GRM3: variants seen among roughly 807,000 people sequenced by gnomAD.
GRM3 encodes metabotropic glutamate receptor 3.
GRM3 carries 26 observed loss-of-function variants against 70.5 expected under a neutral mutation model. The observed-to-expected ratio is 0.37, with a 90% CI of 0.27 to 0.51. GRM3 has a LOEUF of 0.51. Among genes scored for constraint, GRM3 ranks in the 20% least tolerant of loss-of-function variants. GRM3 has a pLI of 0.93. For synonymous variants in GRM3, 443 were observed against 434.9 expected (o/e 1.02, Z -0.23); for missense variants, 859 against 1,123.8 (o/e 0.76, Z 3.37).
intron 5 of GRM3, among the ~76,000 whole-genome samples, chr7:86,857,895 T>G (rs190616693): frequency 1.1e-4 from 16 of 152,160 alleles, no homozygotes; most frequent in Admixed American, 1.0e-3. Context: ...TTATACTTTT[T>G]GAGGGAAGGA....
At chr7:86,848,379 A>C (rs1358620959) in intron 4 of GRM3, among the ~76,000 whole-genome samples, 1 of 152,166 alleles carries the variant, frequency 6.6e-6, no homozygotes, top group African/African-American at 2.4e-5. Flanking sequence ...ATAAGGAAGC[A>C]GTTGGACAGT....
At chr7:86,798,871 C>CTTTATAAAA (rs1416665866) in intron 3 of GRM3, among the ~76,000 whole-genome samples, 3 of 139,624 alleles carry the variant, frequency 2.1e-5, no homozygotes, top group African/African-American at 5.5e-5. Flanking sequence ...AGGAGAGTTC[C>CTTTATAAAA]CCTCTTCTTG....
intron 3 of GRM3, among the ~76,000 whole-genome samples, chr7:86,817,319 T>C (rs1220992354): frequency 6.6e-6 from 1 of 151,986 alleles, no homozygotes; most frequent in Non-Finnish European, 1.5e-5. Flanking sequence ...AACACCATTA[T>C]CATCTCTGCT....
intron 1 of GRM3, among the ~76,000 whole-genome samples, chr7:86,721,636 T>A (rs1795466155): frequency 6.6e-6 from 1 of 151,874 alleles, no homozygotes; most frequent in South Asian, 2.1e-4. Context: ...CTGAGAGGAA[T>A]CACAAAACCT....
chr7:86,822,786 T>C (rs1446931768), intron 3 of GRM3, among the ~76,000 whole-genome samples: 3 of 152,184 alleles, frequency 2.0e-5, no homozygotes, highest in Admixed American at 6.5e-5. Flanking sequence ...AGTCCAAAAA[T>C]TGGGAAAGGC....
At chr7:86,829,479 C>A (rs1293259323) in intron 3 of GRM3, among the ~76,000 whole-genome samples, 5 of 152,330 alleles carry the variant, frequency 3.3e-5, no homozygotes, top group Middle Eastern at 3.4e-3. Context: ...ACATGCCTTC[C>A]TAAGCTTAAT....
chr7:86,728,524 T>A (rs183108582), intron 1 of GRM3, among the ~76,000 whole-genome samples: 6 of 152,152 alleles, frequency 3.9e-5, no homozygotes, highest in African/African-American at 1.2e-4. Context: ...AGTAAATCAA[T>A]GAATTAAACC....
chr7:86,702,114 A>G (rs1451397562), intron 1 of GRM3, among the ~76,000 whole-genome samples: 1 of 152,074 alleles, frequency 6.6e-6, no homozygotes, highest in African/African-American at 2.4e-5. Context: ...AATAATAAAA[A>G]AAGAAGTCCT....
intron 3 of GRM3, among the ~76,000 whole-genome samples, chr7:86,815,780 C>T (rs1798003696): frequency 6.6e-6 from 1 of 151,860 alleles, no homozygotes. Flanking sequence ...TTTATCCTGT[C>T]TCCTTGTTTT....
rs770831445 is a variant in GRM3 at position 86,819,062 on chromosome 7, T to C, written c.1325-19777T>C. On this transcript the variant is annotated intron_variant, in intron 3 of 5. Coordinates refer to ENST00000361669, the MANE Select transcript of GRM3 (RefSeq NM_000840.3). ...TTGTAAGATGAATTCGCTTGTAAAA[T>C]GTATCCCCACGGAGTCCTGACAGCT... is the stretch of plus-strand genomic sequence containing the variant. Among the ~76,000 whole-genome samples, 81 of 152,116 alleles carry C rather than the reference T, an allele frequency of 5.3e-4. 1 individual carries two copies. Among genetic ancestry groups the C allele is most frequent in the Non-Finnish European group, 3.1e-4 (21 of 68,008 alleles).
At chr7:86,684,466 T>C (rs987832668) in intron 1 of GRM3, among the ~76,000 whole-genome samples, 10 of 152,222 alleles carry the variant, frequency 6.6e-5, no homozygotes, top group Non-Finnish European at 1.5e-4. Context: ...AATGATCAGA[T>C]GGCAACAAGT....
intron 1 of GRM3, among the ~76,000 whole-genome samples, chr7:86,738,055 G>T (rs541563904): frequency 6.6e-6 from 1 of 152,158 alleles, no homozygotes; most frequent in South Asian, 2.1e-4. Context: ...CAGTGTGGAC[G>T]CACAGTTACT....
intron 1 of GRM3, among the ~76,000 whole-genome samples, chr7:86,693,044 T>C (rs1005056814): frequency 1.3e-5 from 2 of 152,234 alleles, no homozygotes; most frequent in Non-Finnish European, 2.9e-5. Flanking sequence ...TAGGTGGATT[T>C]TTGTCATCAA....
chr7:86,812,057 C>T (rs1030829989), intron 3 of GRM3, among the ~76,000 whole-genome samples: 1 of 151,702 alleles, frequency 6.6e-6, no homozygotes, highest in Admixed American at 6.6e-5. Flanking sequence ...CTCTACTGAA[C>T]CAAATGAGGG....
rs802452 is a variant in GRM3 at position 86,671,348 on chromosome 7, C to G, written c.-141+26476C>G. On this transcript the variant is annotated intron_variant, in intron 1 of 5. Transcript: ENST00000361669. ...AATATGGTTTAGATGTTTGTCCTGT[C>G]AGATTTTTAATATTCAAGGGTAAAT... 3.2e-4 allele frequency among the ~76,000 whole-genome samples: 48 copies of G among 152,250 alleles called. 1 individual carries two copies. The highest frequency in any genetic ancestry group is 1.1e-3 in the African/African-American group (46 of 41,530).
intron 2 of GRM3, among the ~76,000 whole-genome samples, chr7:86,767,698 G>T (rs1388908548): frequency 6.6e-6 from 1 of 151,526 alleles, no homozygotes; most frequent in Non-Finnish European, 1.5e-5. Flanking sequence ...ATATATATGC[G>T]CTTTTTCTCA....
intron 1 of GRM3, among the ~76,000 whole-genome samples, chr7:86,648,461 A>G (rs913066275): frequency 3.9e-5 from 6 of 152,198 alleles, no homozygotes; most frequent in African/African-American, 1.4e-4. Context: ...AATGAAAGTG[A>G]TGTCCATAAT....
At chr7:86,805,840 T>C (rs897553304) in intron 3 of GRM3, among the ~76,000 whole-genome samples, 2 of 152,158 alleles carry the variant, frequency 1.3e-5, no homozygotes, top group African/African-American at 4.8e-5. Flanking sequence ...TGTTGGTGCG[T>C]TGCACTCATT....
chr7:86,796,485 G>A (rs912371839), intron 3 of GRM3, among the ~76,000 whole-genome samples: 5 of 152,152 alleles, frequency 3.3e-5, no homozygotes, highest in African/African-American at 4.8e-5. Flanking sequence ...ATAGTTTGAA[G>A]TCAGGTAGCA....
Sources: gnomAD v4.1 joint callset for allele counts (sites outside exome capture counted in the v4.1 genomes callset) on GRCh38, gnomAD v4.1.1 for gene constraint, MANE v1.5 for transcripts, NCBI Gene and HGNC (gene_info 2026-07-23, HGNC 2026-07-21) for gene names.